KDM2B: variants seen among roughly 807,000 people sequenced by gnomAD.
KDM2B encodes lysine demethylase 2B, also known as lysine-specific demethylase 2B.
A neutral mutation model predicts 150.0 loss-of-function variants in KDM2B; 26 were observed. The observed-to-expected ratio is 0.17, with a 90% confidence interval of 0.13 to 0.24. The LOEUF (loss-of-function observed/expected upper bound fraction) is 0.24. KDM2B is among the 10% of genes least tolerant of loss of function. The pLI is 1.00. For missense variants in KDM2B, 1,265 were observed against 1,816.9 expected (o/e 0.70, Z 5.52); for synonymous variants, 734 against 729.5 (o/e 1.01, Z -0.10).
At position 121,443,030 on chromosome 12, in the gene KDM2B, G is replaced by A. The variant is rs782099555; in HGVS notation, c.2566C>T (p.Leu856Phe). The change falls in exon 18 of 23, where the codon CTC (leucine) becomes TTC (phenylalanine). Residue 856 changes from leucine (L) to phenylalanine (F), a missense_variant and splice_region_variant. Physicochemically the swap from Leu to Phe is conservative, Grantham distance 22. This residue lies in a region of KDM2B where 418 missense variants were observed against 402.4 expected (regional missense o/e 1.04). Coordinates refer to ENST00000377071, the MANE Select transcript of KDM2B (RefSeq NM_032590.5). ...RSSLTYFQQQ[L>F]KPGKEDKLFR... is the part of the protein sequence containing the mutation. ...AGCTTATCTTCTTTGCCAGGTTTGA[G>A]CTGTCACGAAAAAGAAAGGACGCAG... The A allele has an allele frequency of 3.8e-5, 61 of 1,612,286 alleles. No individual in the cohort carries two copies. The highest frequency in any genetic ancestry group is 5.1e-5 in the Non-Finnish European group (60 of 1,179,260).
intron 4 of KDM2B, among the ~76,000 whole-genome samples, chr12:121,550,601 C>T (rs1889412021): frequency 1.3e-5 from 2 of 152,198 alleles, no homozygotes; most frequent in Admixed American, 1.3e-4. Flanking sequence ...TCAAGCAATT[C>T]TCATGCCTCA....
chr12:121,478,856 T>G (rs1566316564), intron 12 of KDM2B, among the ~76,000 whole-genome samples: 1 of 131,020 alleles, frequency 7.6e-6, no homozygotes, highest in East Asian at 2.5e-4. Context: ...ACCGGCTAAT[T>G]TTTGTTTGTT....
At chr12:121,491,238 T>G (rs1555299835) in intron 12 of KDM2B, among the ~76,000 whole-genome samples, 1 of 152,196 alleles carries the variant, frequency 6.6e-6, no homozygotes, top group African/African-American at 2.4e-5. Flanking sequence ...CGAGAGGCAC[T>G]GCTGCACCTC....
chr12:121,534,987 C>G (rs1377163900), intron 6 of KDM2B, among the ~76,000 whole-genome samples: 3 of 152,170 alleles, frequency 2.0e-5, no homozygotes, highest in Non-Finnish European at 4.4e-5. Flanking sequence ...TTCTCCCAAG[C>G]TGCCAGCCCC....
At chr12:121,528,102 T>G (rs538680373) in intron 8 of KDM2B, among the ~76,000 whole-genome samples, 5 of 152,352 alleles carry the variant, frequency 3.3e-5, no homozygotes, top group African/African-American at 1.2e-4. Context: ...TGACGCTGTA[T>G]TCTCACCTCC....
intron 12 of KDM2B, among the ~76,000 whole-genome samples, chr12:121,481,169 G>A (rs538001769): frequency 8.6e-5 from 13 of 152,042 alleles, no homozygotes; most frequent in South Asian, 4.1e-4. Flanking sequence ...GACCTCAAAT[G>A]ATCCACCCGC....
At chr12:121,450,150 C>T (rs1566278141) in intron 13 of KDM2B, among the ~76,000 whole-genome samples, 1 of 151,706 alleles carries the variant, frequency 6.6e-6, no homozygotes, top group Non-Finnish European at 1.5e-5. Flanking sequence ...CCTGCCTCTA[C>T]CAAAAATACA....
chr12:121,460,734 G>C (rs1208249224), intron 12 of KDM2B, among the ~76,000 whole-genome samples: 1 of 152,094 alleles, frequency 6.6e-6, no homozygotes, highest in Admixed American at 6.6e-5. Context: ...TTAAGTGCTA[G>C]TCATTCATCA....
intron 9 of KDM2B, chr12:121,516,722 G>GGA: frequency 3.1e-6 from 2 of 635,512 alleles, no homozygotes; most frequent in South Asian, 3.6e-5. Flanking sequence ...TTCCTCGGAG[G>GGA]TCCAAGTCAT....
Position 121,444,265 on chromosome 12 carries a change from C to T in KDM2B, c.2198G>A (p.Arg733His), listed in dbSNP as rs782273070. 1.2e-6 allele frequency: 2 copies of T among 1,613,818 alleles called. No individual in the cohort carries two copies. Among genetic ancestry groups the T allele is most frequent in the Non-Finnish European group, 1.7e-6 (2 of 1,179,960 alleles). Residue 733 changes from arginine (R) to histidine (H), a missense_variant, in exon 16 of 23, where the codon CGT becomes CAT. Physicochemically the swap from Arg to His is conservative, Grantham distance 29. Around this residue, in one of 11 missense-constraint regions of KDM2B, gnomAD observed 38 missense variants for 98.1 expected, o/e 0.39. Transcript: ENST00000377071. ...NHAGKTGKQK[R>H]GPGFKYASNL... ...GGAGGCGTACTTAAAGCCAGGGCCA[C>T]GCTTTTGCTTGTAGGCCAAAAAGAG...
At chr12:121,544,045 G>A (rs1888817815) in intron 6 of KDM2B, among the ~76,000 whole-genome samples, 2 of 147,982 alleles carry the variant, frequency 1.4e-5, no homozygotes, top group South Asian at 2.2e-4. Context: ...AGCCTGGGAG[G>A]AGGAAGTTGC....
At position 121,430,732 on chromosome 12, in the gene KDM2B, A is replaced by C. The variant is rs1333852639; in HGVS notation, c.3830-263T>G. 1.7e-6 allele frequency: 1 copy of C among 578,926 alleles called. No homozygotes were observed. The highest frequency in any genetic ancestry group is 2.8e-5 in the East Asian group (1 of 36,162). The allele number at this position is 578,926 out of a possible 1,614,324, so 35.9% of individuals were successfully genotyped here. Reference sequence around the variant, plus strand: ...GAAAATCACTTCTGATTTACCACACAGCTGCCTCTATACGTGCGTATGCTC... The same window carrying C: ...GAAAATCACTTCTGATTTACCACACCGCTGCCTCTATACGTGCGTATGCTC... On this transcript the variant is annotated intron_variant, in intron 22 of 22. Coordinates refer to ENST00000377071, the MANE Select transcript of KDM2B (RefSeq NM_032590.5). The surrounding 1 kb of genome is among the most constrained non-coding windows in gnomAD (Gnocchi z 4.4).
At chr12:121,544,541 C>T (rs919121060) in intron 6 of KDM2B, among the ~76,000 whole-genome samples, 3 of 151,554 alleles carry the variant, frequency 2.0e-5, no homozygotes, top group African/African-American at 4.9e-5. Context: ...TCCCGGGAGG[C>T]GGAGGTTGCA....
At chr12:121,417,513 T>C in the KDM2B span, 1 of 1,611,782 alleles carries the variant, frequency 6.2e-7, no homozygotes, top group African/African-American at 1.3e-5. The surrounding 1 kb of genome is among the most constrained non-coding windows in gnomAD (Gnocchi z 5.0). Flanking sequence ...GCATGTTTGC[T>C]GTGACTGCAA....
At chr12:121,555,616 G>T (rs2142149635) in intron 4 of KDM2B, among the ~76,000 whole-genome samples, 1 of 152,234 alleles carries the variant, frequency 6.6e-6, no homozygotes, top group South Asian at 2.1e-4. Context: ...CAAGTCATCT[G>T]CCCACCTAGG....
rs1389093665 is a variant in KDM2B, at chr12:121,580,988, C to A, written c.-77G>T. ...CTATAAGGACTGCCTAACTTTTAAA[C>A]TCCCGGCACTCAAAGATGTGGACAC... is the stretch of plus-strand genomic sequence containing the variant. On this transcript the variant is annotated 5_prime_UTR_variant, in exon 1 of 23. Coordinates refer to ENST00000377071, the MANE Select transcript of KDM2B (RefSeq NM_032590.5). 1.3e-6 allele frequency: 2 copies of A among 1,547,862 alleles called. No individual in the cohort carries two copies. The highest frequency in any genetic ancestry group is 1.9e-5 in the Admixed American group (1 of 51,404).
intron 13 of KDM2B, among the ~76,000 whole-genome samples, chr12:121,446,690 T>C (rs59078140): frequency 0.027 from 4,081 of 152,276 alleles, 164 homozygotes; most frequent in African/African-American, 0.081. Context: ...GAGCTTGTCA[T>C]TTCCAGAAAA....
intron 13 of KDM2B, among the ~76,000 whole-genome samples, chr12:121,449,443 C>A (rs1236141769): frequency 6.6e-6 from 1 of 152,084 alleles, no homozygotes; most frequent in Non-Finnish European, 1.5e-5. Flanking sequence ...CATCTGCCAT[C>A]AGTTCCAGAA....
intron 7 of KDM2B, among the ~76,000 whole-genome samples, chr12:121,534,033 C>T (rs1555308273): frequency 6.6e-6 from 1 of 152,040 alleles, no homozygotes; most frequent in Non-Finnish European, 1.5e-5. Context: ...GAGCAAGACC[C>T]TATCTCTTAA....
Sources: allele counts gnomAD v4.1 joint callset (sites outside exome capture counted in the v4.1 genomes callset), GRCh38; gene constraint gnomAD v4.1.1; regional missense constraint gnomAD v4.1.1; non-coding constraint Gnocchi (gnomAD v3.1); transcripts MANE v1.5; gene names NCBI Gene and HGNC (gene_info 2026-07-23, HGNC 2026-07-21).